The following ADAMTS19 variants were observed in gnomAD, a reference collection of about 807,000 sequenced individuals.
ADAMTS19 encodes the protein A disintegrin and metalloproteinase with thrombospondin motifs 19.
ADAMTS19 carries 93 observed loss-of-function variants against 153.3 expected under a neutral mutation model. The observed-to-expected ratio is 0.61, with a 90% CI of 0.51 to 0.72. ADAMTS19 has a LOEUF of 0.72. ADAMTS19 is among the 30% of genes least tolerant of loss of function. The pLI, the probability that ADAMTS19 is intolerant of heterozygous loss-of-function variation, is 0.00. For missense variants in ADAMTS19, 1,482 were observed against 1,552.1 expected (o/e 0.95, Z 0.76); for synonymous variants, 600 against 556.6 (o/e 1.08, Z -1.10).
At chr5:129,637,734 A>G (rs965609208) in intron 10 of ADAMTS19, among the ~76,000 whole-genome samples, 4 of 152,158 alleles carry the variant, frequency 2.6e-5, no homozygotes, top group African/African-American at 7.2e-5. Context: ...GATCCCAGCT[A>G]CTTAGGTGGC....
At chr5:129,482,219 T>G (rs943271244) in intron 2 of ADAMTS19, among the ~76,000 whole-genome samples, 2 of 152,176 alleles carry the variant, frequency 1.3e-5, no homozygotes, top group African/African-American at 4.8e-5. Flanking sequence ...TCTCCCCCTT[T>G]TCTTTCAGTG....
intron 15 of ADAMTS19, among the ~76,000 whole-genome samples, chr5:129,660,794 A>G (rs1048606818): frequency 6.6e-6 from 1 of 152,176 alleles, no homozygotes; most frequent in Non-Finnish European, 1.5e-5. Flanking sequence ...TTTCTTCCTT[A>G]CAACTCTATG....
At chr5:129,694,677 A>T (rs747231213) in intron 18 of ADAMTS19, 43 bp from the exon 19 acceptor site, 89 of 1,420,128 alleles carry the variant, frequency 6.3e-5, no homozygotes, top group Non-Finnish European at 8.2e-5. Context: ...TCCATTACAT[A>T]AAGGCTTATA....
At chr5:129,532,687 A>G (rs547016400) in intron 6 of ADAMTS19, among the ~76,000 whole-genome samples, 28 of 152,340 alleles carry the variant, frequency 1.8e-4, no homozygotes, top group African/African-American at 6.7e-4. Flanking sequence ...CATAATTGCC[A>G]AAACTTATAA....
intron 12 of ADAMTS19, among the ~76,000 whole-genome samples, chr5:129,648,390 C>A (rs189412851): frequency 3.1e-4 from 47 of 152,278 alleles, no homozygotes; most frequent in African/African-American, 1.1e-3. Context: ...AGCTTGTGAG[C>A]TTTAAACTCT....
chr5:129,600,849 G>C (rs1250695273), intron 8 of ADAMTS19, among the ~76,000 whole-genome samples: 1 of 117,182 alleles, frequency 8.5e-6, no homozygotes, highest in Non-Finnish European at 1.8e-5. Context: ...TAAACAATAA[G>C]TAGTAGGAGT....
At chr5:129,588,614 T>G (rs548476181) in intron 7 of ADAMTS19, among the ~76,000 whole-genome samples, 1 of 151,994 alleles carries the variant, frequency 6.6e-6, no homozygotes, top group East Asian at 1.9e-4. Flanking sequence ...TACACATATA[T>G]TAAATACTAT....
chr5:129,575,361 A>G lies in ADAMTS19; in HGVS notation c.1373-21198A>G, dbSNP rs1224335574. ...AATGCCTTCAGGATATGATTATGTT[A>G]TAACATTGTAAAAATGTGTCAGCCA... On this transcript the variant is annotated intron_variant, in intron 7 of 22. Coordinates refer to ENST00000274487, the MANE Select transcript of ADAMTS19 (RefSeq NM_133638.6). Among the ~76,000 whole-genome samples, 45 of 152,098 alleles carry G rather than the reference A, an allele frequency of 3.0e-4. 1 individual carries two copies. Among genetic ancestry groups the G allele is most frequent in the Admixed American group, 3.0e-3 (45 of 15,236 alleles).
At chr5:129,472,356 A>G (rs1040942696) in intron 2 of ADAMTS19, among the ~76,000 whole-genome samples, 10 of 152,210 alleles carry the variant, frequency 6.6e-5, no homozygotes, top group Admixed American at 5.9e-4. Context: ...ATTTGCATCC[A>G]CTAAACTTCA....
intron 21 of ADAMTS19, among the ~76,000 whole-genome samples, chr5:129,732,521 G>A (rs936626982): frequency 6.6e-6 from 1 of 151,954 alleles, no homozygotes; most frequent in African/African-American, 2.4e-5. Context: ...TACACAAATA[G>A]CATTCAAACT....
Position 129,658,621 on chromosome 5 carries a change from T to C in ADAMTS19, c.2309T>C (p.Val770Ala), listed in dbSNP as rs1753693115. ...DICANGRCQK[V>A]GCDGLLGSLA... The stretch of plus-strand genomic sequence containing the variant: ...GCTGTCACTCTCTTGTTACAGAAAG[T>C]TGGCTGTGATGGTTTATTAGGGTCT... Residue 770 changes from valine (V) to alanine (A), a missense_variant, in exon 15 of 23, where the codon GTT becomes GCT. By Grantham distance (64) the Val-to-Ala change is moderately conservative. This residue lies in a region of ADAMTS19 where 616 missense variants were observed against 724.4 expected (regional missense o/e 0.85). Transcript: ENST00000274487. 1 of 1,610,682 alleles carries C rather than the reference T, an allele frequency of 6.2e-7. No individual in the cohort carries two copies. Among genetic ancestry groups the C allele is most frequent in the Non-Finnish European group, 8.5e-7 (1 of 1,178,786 alleles).
intron 10 of ADAMTS19, among the ~76,000 whole-genome samples, chr5:129,639,324 A>G (rs1020038951): frequency 6.6e-6 from 1 of 152,190 alleles, no homozygotes. Flanking sequence ...AAAACTATCC[A>G]TACTATTTCT....
At chr5:129,484,029 CT>C (rs1750507510) in intron 2 of ADAMTS19, among the ~76,000 whole-genome samples, 1 of 152,130 alleles carries the variant, frequency 6.6e-6, no homozygotes, top group South Asian at 2.1e-4. Context: ...TTCCTCATAT[CT>C]TTATCCATAG....
At chr5:129,519,245 C>G (rs1188969644) in intron 3 of ADAMTS19, among the ~76,000 whole-genome samples, 1 of 152,002 alleles carries the variant, frequency 6.6e-6, no homozygotes, top group African/African-American at 2.4e-5. Context: ...CCCTTCTGGC[C>G]CAGGGGATGT....
chr5:129,502,502 C>T (rs533576472), intron 2 of ADAMTS19, among the ~76,000 whole-genome samples: 42 of 152,302 alleles, frequency 2.8e-4, no homozygotes, highest in African/African-American at 8.4e-4. Context: ...TCCTGTAATG[C>T]TCAGATGATT....
intron 10 of ADAMTS19, among the ~76,000 whole-genome samples, chr5:129,625,744 A>T: frequency 6.6e-6 from 1 of 151,902 alleles, no homozygotes; most frequent in Non-Finnish European, 1.5e-5. Flanking sequence ...TGGATATTAT[A>T]CCTTTGTCAG....
intron 6 of ADAMTS19, among the ~76,000 whole-genome samples, chr5:129,530,672 C>G (rs563893375): frequency 6.6e-6 from 1 of 151,990 alleles, no homozygotes; most frequent in Non-Finnish European, 1.5e-5. Flanking sequence ...GGGTATCTAT[C>G]GAAACATATA....
intron 7 of ADAMTS19, among the ~76,000 whole-genome samples, chr5:129,560,582 T>C: frequency 6.6e-6 from 1 of 152,216 alleles, no homozygotes; most frequent in East Asian, 1.9e-4. Context: ...AAGAGTGAAC[T>C]CAGCTATGCA....
chr5:129,658,369 G>GAA (rs1478464484), intron 14 of ADAMTS19, among the ~76,000 whole-genome samples: 146 of 150,272 alleles, frequency 9.7e-4, no homozygotes, highest in African/African-American at 3.3e-3. Context: ...AAGAAAGAAA[G>GAA]AGAGAGAGGA....
Sources: allele counts gnomAD v4.1 joint callset (sites outside exome capture counted in the v4.1 genomes callset), GRCh38; gene constraint gnomAD v4.1.1; regional missense constraint gnomAD v4.1.1; transcripts MANE v1.5; gene names NCBI Gene and HGNC (gene_info 2026-07-23, HGNC 2026-07-21).